Variants in ERBB2 observed in about 807,000 individuals in gnomAD.
ERBB2 encodes erb-b2 receptor tyrosine kinase 2.
Under a neutral mutation model 149.0 loss-of-function variants are expected in ERBB2, and 61 were observed. That is an observed-to-expected ratio of 0.41 (90% CI 0.33 to 0.51). The LOEUF (loss-of-function observed/expected upper bound fraction) is 0.51, where lower values mean the gene tolerates loss of function less well. Ranked by LOEUF, ERBB2 falls within the 20% of genes least tolerant of loss-of-function variation. The probability of loss-of-function intolerance (pLI) is 0.25; values close to 1 mark genes in which losing one functional copy is unlikely to be tolerated. For missense variants in ERBB2, 1,205 were observed against 1,655.1 expected (o/e 0.73, Z 4.72); for synonymous variants, 633 against 678.8 (o/e 0.93, Z 1.05).
At position 39,712,318 on chromosome 17, in the gene ERBB2, T is replaced by G. The variant is rs754985767; in HGVS notation, c.1022-4T>G. The G allele has an allele frequency of 1.8e-6, 2 of 1,112,504 alleles. No individual in the cohort carries two copies. The highest frequency in any genetic ancestry group is 2.6e-6 in the Non-Finnish European group (2 of 767,112). The allele number at this position is 1,112,504 out of a possible 1,614,324, so 68.9% of individuals were successfully genotyped here. On this transcript the variant is annotated splice_region_variant and splice_polypyrimidine_tract_variant and intron_variant, in intron 8 of 26. Coordinates refer to ENST00000269571, the MANE Select transcript of ERBB2 (RefSeq NM_004448.4). ...CCCTTCCCCACCCACCCCCACCTCC[T>G]CAGTGTGCTATGGTCTGGGCATGGA...
rs759138887 is a variant in ERBB2 at position 39,728,051 on chromosome 17, A to G, written c.*7A>G. 1.3e-6 allele frequency: 2 copies of G among 1,563,550 alleles called. No homozygotes were observed. Among genetic ancestry groups the G allele is most frequent in the Admixed American group, 1.8e-5 (1 of 56,890 alleles). ...TCTGGACGTGCCAGTGTGAACCAGA[A>G]GGCCAAGTCCGCAGAAGCCCTGATG... On this transcript the variant is annotated 3_prime_UTR_variant, in exon 27 of 27. Coordinates refer to ENST00000269571, the MANE Select transcript of ERBB2 (RefSeq NM_004448.4).
At chr17:39,708,284 G>A (rs756692634) in intron 2 of ERBB2, 37 bp from the exon 3 acceptor site, 8 of 1,571,310 alleles carry the variant, frequency 5.1e-6, no homozygotes, top group Non-Finnish European at 4.4e-6. Flanking sequence ...GGGTGGCAGT[G>A]TTCCTATTTC....
upstream of ERBB2, among the ~76,000 whole-genome samples, chr17:39,691,557 AT>A (rs375173706): frequency 0.081 from 4,741 of 58,236 alleles, 265 homozygotes; most frequent in Middle Eastern, 0.18. Flanking sequence ...AAAAAAAAAA[AT>A]ATATATATAT....
intron 15 of ERBB2, 56 bp from the exon 16 acceptor site, chr17:39,719,731 G>T: frequency 6.4e-7 from 1 of 1,571,264 alleles, no homozygotes. Flanking sequence ...AGGCTGGAAA[G>T]GTGGTTCCCA....
At chr17:39,702,926 C>G (rs994355163) in intron 1 of ERBB2, among the ~76,000 whole-genome samples, 2 of 152,244 alleles carry the variant, frequency 1.3e-5, no homozygotes, top group African/African-American at 4.8e-5. Context: ...TGGTTAGAGT[C>G]TTATTCCAGC....
In ERBB2 at chr17:39,707,028, A is replaced by G. The variant is rs1459247021; in HGVS notation, c.112A>G (p.Ser38Gly). 6.2e-7 allele frequency: 1 copy of G among 1,602,418 alleles called. No individual in the cohort carries two copies. The highest frequency in any genetic ancestry group is 8.5e-7 in the Non-Finnish European group (1 of 1,174,628). ...AGACATGAAGCTGCGGCTCCCTGCC[A>G]GTCCCGAGACCCACCTGGACATGCT... is the stretch of plus-strand genomic sequence containing the variant. ...GTDMKLRLPASPETHLDMLRH... is the reference protein window; with the variant it reads ...GTDMKLRLPAGPETHLDMLRH... Residue 38 changes from serine (S) to glycine (G), a missense_variant, in exon 2 of 27, where the codon AGT becomes GGT. By Grantham distance (56) the Ser-to-Gly change is moderately conservative. Coordinates refer to ENST00000269571, the MANE Select transcript of ERBB2 (RefSeq NM_004448.4).
intron 1 of ERBB2, among the ~76,000 whole-genome samples, chr17:39,705,015 T>C (rs2058342435): frequency 6.6e-6 from 1 of 152,112 alleles, no homozygotes; most frequent in Admixed American, 6.5e-5. Flanking sequence ...CCAGCCTGAG[T>C]TCCAGTCCTG....
upstream of ERBB2, among the ~76,000 whole-genome samples, chr17:39,697,828 G>A (rs1163564507): frequency 6.6e-6 from 1 of 152,046 alleles, no homozygotes; most frequent in African/African-American, 2.4e-5. Flanking sequence ...CGAGTAGCTG[G>A]GATTACAGGT....
chr17:39,693,582 A>G (rs1169418465), upstream of ERBB2, among the ~76,000 whole-genome samples: 2 of 151,826 alleles, frequency 1.3e-5, no homozygotes, highest in East Asian at 1.9e-4. Context: ...TCTGGGCTAA[A>G]GCAATCCTCT....
At position 39,726,397 on chromosome 17, in the gene ERBB2, A is replaced by G. The variant is rs557254646; in HGVS notation, c.2873-165A>G. Reference sequence around the variant, plus strand: ...AAAGGGAAACTAGAAGAGATGCCAAAGGTTCTGGCTGAAGACCCCAGAGTC... The same window carrying G: ...AAAGGGAAACTAGAAGAGATGCCAAGGGTTCTGGCTGAAGACCCCAGAGTC... On this transcript the variant is annotated intron_variant, in intron 23 of 26. Coordinates refer to ENST00000269571, the MANE Select transcript of ERBB2 (RefSeq NM_004448.4). This position sits in a 1 kb window ranked among gnomAD's most constrained non-coding sequence, Gnocchi z 5.1. The G allele has an allele frequency of 1.6e-6, 1 of 614,476 alleles. No individual in the cohort carries two copies. The highest frequency in any genetic ancestry group is 2.8e-5 in the East Asian group (1 of 36,274). 38.1% of individuals were successfully genotyped at this position (614,476 alleles called of 1,614,324 possible). A position where few individuals can be genotyped will look rare whatever the true frequency, so the allele number is the denominator to read the frequency against.
chr17:39,692,326 T>C (rs1192387435), upstream of ERBB2, among the ~76,000 whole-genome samples: 1 of 151,836 alleles, frequency 6.6e-6, no homozygotes, highest in Non-Finnish European at 1.5e-5. Context: ...TCTAGAAAGA[T>C]AAAAAAGAAA....
At chr17:39,702,666 C>T (rs1208248097) in intron 1 of ERBB2, among the ~76,000 whole-genome samples, 2 of 152,182 alleles carry the variant, frequency 1.3e-5, no homozygotes, top group East Asian at 3.8e-4. Context: ...TTAATTTTCT[C>T]GTGGTTTGGG....
Position 39,723,846 on chromosome 17 carries a change from T to A in ERBB2, c.2209-66T>A, listed in dbSNP as rs538962951. On this transcript the variant is annotated intron_variant, in intron 18 of 26. Transcript: ENST00000269571. The surrounding 1 kb of genome is among the most constrained non-coding windows in gnomAD (Gnocchi z 6.2). ...AGGATGTTTGGAGGACAAGTAATGA[T>A]CTCCTGGAAGGCAGGTAGGATCCAG... 2 of 1,510,686 alleles carry A rather than the reference T, an allele frequency of 1.3e-6. No individual in the cohort carries two copies. The highest frequency in any genetic ancestry group is 2.3e-5 in the East Asian group (1 of 44,404). The allele number at this position is 1,510,686 out of a possible 1,614,324, so 93.6% of individuals were successfully genotyped here.
Position 39,727,580 on chromosome 17 carries a change from G to C in ERBB2, c.3412+33G>C, listed in dbSNP as rs775991181. 3.8e-6 allele frequency: 6 copies of C among 1,582,752 alleles called. No homozygotes were observed. In the South Asian group the frequency reaches 7.0e-5, roughly 18 times the overall value. On this transcript the variant is annotated intron_variant, in intron 26 of 26. Transcript: ENST00000269571. This position sits in a 1 kb window ranked among gnomAD's most constrained non-coding sequence, Gnocchi z 4.3. Reference sequence around the variant, plus strand: ...GTCCAGTCTAAGCAGAGAGACTGATGGGCAGGGGAGGTGGGACCTTCAGCC... The same window carrying C: ...GTCCAGTCTAAGCAGAGAGACTGATCGGCAGGGGAGGTGGGACCTTCAGCC...
chr17:39,717,257 C>A (rs1373676485), intron 14 of ERBB2, 63 bp from the exon 15 acceptor site: 4 of 1,417,322 alleles, frequency 2.8e-6, no homozygotes, highest in Non-Finnish European at 1.9e-6. Context: ...AACTAAGGGC[C>A]TGATCCTACT....
rs2059589301 is a variant in ERBB2 at position 39,723,923 on chromosome 17, C to A, written c.2220C>A (p.Ile740=). The A allele has an allele frequency of 6.2e-7, 1 of 1,613,654 alleles. No individual in the cohort carries two copies. The highest frequency in any genetic ancestry group is 8.5e-7 in the Non-Finnish European group (1 of 1,179,598). The change falls in exon 19 of 27, where the codon ATC becomes ATA. Residue 740 remains isoleucine (I), a synonymous_variant. Coordinates refer to ENST00000269571, the MANE Select transcript of ERBB2 (RefSeq NM_004448.4). This position sits in a 1 kb window ranked among gnomAD's most constrained non-coding sequence, Gnocchi z 6.2. The part of the protein sequence containing the change: ...AFGTVYKGIW[I]PDGENVKIPV... ...CTCTTTCTGCCCAGGGCATCTGGATCCCTGATGGGGAGAATGTGAAAATTC... is the reference window on the plus strand; with the variant it reads ...CTCTTTCTGCCCAGGGCATCTGGATACCTGATGGGGAGAATGTGAAAATTC...
In ERBB2 at chr17:39,723,201, G is replaced by A. The variant is rs905890274; in HGVS notation, c.1947-118G>A. 4 of 1,064,176 alleles carry A rather than the reference G, an allele frequency of 3.8e-6. No homozygotes were observed. Among genetic ancestry groups the A allele is most frequent in the Middle Eastern group, 3.1e-4 (1 of 3,240 alleles). 65.9% of individuals were successfully genotyped at this position (1,064,176 alleles called of 1,614,324 possible). ...GAGTAGGAGAGGGTCCAAGCCTGTG[G>A]GTCACCCTTCCGACTTCCCTTTCCG... On this transcript the variant is annotated intron_variant, in intron 16 of 26. Transcript: ENST00000269571. This position sits in a 1 kb window ranked among gnomAD's most constrained non-coding sequence, Gnocchi z 6.2.
At chr17:39,710,044 C>T (rs1398405501) in intron 5 of ERBB2, 42 bp from the exon 6 acceptor site, 2 of 1,558,366 alleles carry the variant, frequency 1.3e-6, no homozygotes, top group Admixed American at 3.4e-5. Flanking sequence ...GGTCTGGTGC[C>T]CAGGGCGCCA....
rs2058715455 is a variant in ERBB2, at chr17:39,710,221, G to T, written c.759+20G>T. The T allele has an allele frequency of 1.2e-6, 2 of 1,610,620 alleles. No homozygotes were observed. The highest frequency in any genetic ancestry group is 1.3e-5 in the African/African-American group (1 of 75,002). On this transcript the variant is annotated intron_variant, in intron 6 of 26. Coordinates refer to ENST00000269571, the MANE Select transcript of ERBB2 (RefSeq NM_004448.4). ...TGCCTGGTATGTGCCTCTGCTTTGT[G>T]CCCAATGTGCTCTACCCCCCAGGAT...
Sources: allele counts gnomAD v4.1 joint callset (sites outside exome capture counted in the v4.1 genomes callset), GRCh38; gene constraint gnomAD v4.1.1; non-coding constraint Gnocchi (gnomAD v3.1); transcripts MANE v1.5; gene names NCBI Gene and HGNC (gene_info 2026-07-23, HGNC 2026-07-21).